SLC44A5: variants seen among roughly 807,000 people sequenced by gnomAD.
SLC44A5 encodes the protein solute carrier family 44 member 5, also known as choline transporter-like protein 5.
SLC44A5 carries 57 observed loss-of-function variants against 101.8 expected under a neutral mutation model. The ratio of observed to expected loss-of-function variants is 0.56; its 90% CI spans 0.45 to 0.70. SLC44A5 has a LOEUF of 0.70. Ranked by LOEUF, SLC44A5 falls within the 30% of genes least tolerant of loss-of-function variation. The pLI is 0.00. For missense variants in SLC44A5, 737 were observed against 853.1 expected (o/e 0.86, Z 1.70); for synonymous variants, 281 against 290.9 (o/e 0.97, Z 0.35).
intron 3 of SLC44A5, among the ~76,000 whole-genome samples, chr1:75,354,305 C>T (rs934639740): frequency 3.3e-5 from 5 of 152,218 alleles, no homozygotes; most frequent in Non-Finnish European, 7.3e-5. Flanking sequence ...ATTCCCCAAA[C>T]TTCTTGATTG....
chr1:75,698,644 C>T, the SLC44A5 span, among the ~76,000 whole-genome samples: 31 of 152,344 alleles, frequency 2.0e-4, no homozygotes, highest in Admixed American at 3.9e-4. Context: ...TGGAACAAAG[C>T]TGGATGGAGA....
At chr1:75,281,436 G>A (rs1320439177) in intron 5 of SLC44A5, among the ~76,000 whole-genome samples, 1 of 152,028 alleles carries the variant, frequency 6.6e-6, no homozygotes, top group East Asian at 1.9e-4. Flanking sequence ...GCCCAACAAT[G>A]TGACAGAAAA....
At chr1:75,316,201 C>T (rs1052947403) in intron 4 of SLC44A5, among the ~76,000 whole-genome samples, 4 of 152,196 alleles carry the variant, frequency 2.6e-5, no homozygotes, top group Admixed American at 2.0e-4. Context: ...CTCTCACATA[C>T]AACCTTTGCA....
the SLC44A5 span, among the ~76,000 whole-genome samples, chr1:75,616,175 A>C: frequency 6.6e-6 from 1 of 151,312 alleles, no homozygotes; most frequent in Non-Finnish European, 1.5e-5. Context: ...CTGCTGCTGG[A>C]GGGGGCAGCG....
chr1:75,556,120 C>T (rs1457159040), intron 1 of SLC44A5, among the ~76,000 whole-genome samples: 2 of 151,966 alleles, frequency 1.3e-5, no homozygotes, highest in Non-Finnish European at 2.9e-5. Context: ...AAGAAGTCAT[C>T]AGAGGTGATG....
chr1:75,207,010 A>T (rs941609516), intron 23 of SLC44A5, among the ~76,000 whole-genome samples: 1 of 152,202 alleles, frequency 6.6e-6, no homozygotes, highest in Non-Finnish European at 1.5e-5. Flanking sequence ...TGTCATATTT[A>T]AATTCTGTAA....
At chr1:75,414,324 T>TACACACAC (rs35421682) in intron 2 of SLC44A5, among the ~76,000 whole-genome samples, 5 of 145,990 alleles carry the variant, frequency 3.4e-5, no homozygotes, top group Non-Finnish European at 6.0e-5. Flanking sequence ...CATATCCACA[T>TACACACAC]ACACACACAC....
chr1:75,607,121 T>C (rs990462567), intron 1 of SLC44A5, among the ~76,000 whole-genome samples: 22 of 151,994 alleles, frequency 1.4e-4, no homozygotes, highest in Non-Finnish European at 2.9e-4. Flanking sequence ...ATCAAATAAA[T>C]ATTTCAAACC....
At chr1:75,339,042 G>A (rs568754800) in intron 4 of SLC44A5, among the ~76,000 whole-genome samples, 1 of 152,278 alleles carries the variant, frequency 6.6e-6, no homozygotes, top group South Asian at 2.1e-4. Flanking sequence ...CAGAACCTTG[G>A]AGAGGGCAGG....
the SLC44A5 span, among the ~76,000 whole-genome samples, chr1:75,636,604 A>G: frequency 1.4e-4 from 22 of 152,122 alleles, no homozygotes; most frequent in Non-Finnish European, 2.6e-4. Flanking sequence ...CATTTAATAA[A>G]TGACTAGTTT....
rs76814371 is a variant in SLC44A5 at position 75,373,303 on chromosome 1, C to G, written c.52+23280G>C. Among the ~76,000 whole-genome samples, 171 of 152,116 alleles carry G rather than the reference C, an allele frequency of 1.1e-3. 1 individual carries two copies. Among genetic ancestry groups the G allele is most frequent in the Admixed American group, 4.3e-3 (66 of 15,284 alleles). On this transcript the variant is annotated intron_variant, in intron 3 of 23. Coordinates refer to ENST00000370859, the MANE Select transcript of SLC44A5 (RefSeq NM_001130058.2). ...AACTGGGAAGCCTGCATGGAGTCAC[C>G]GAGCACCAAGACCAGCTCCTGGCCC...
At chr1:75,335,599 T>G (rs1657381678) in intron 4 of SLC44A5, among the ~76,000 whole-genome samples, 2 of 152,170 alleles carry the variant, frequency 1.3e-5, no homozygotes, top group African/African-American at 4.8e-5. Context: ...GGAGAGTTCT[T>G]GGATGGACAG....
intron 6 of SLC44A5, among the ~76,000 whole-genome samples, chr1:75,260,542 C>A (rs1308472277): frequency 1.3e-5 from 2 of 152,066 alleles, no homozygotes; most frequent in African/African-American, 4.8e-5. Context: ...TAGAGACCTA[C>A]AAAGAGGCTT....
intron 6 of SLC44A5, among the ~76,000 whole-genome samples, chr1:75,252,385 T>C (rs1468540153): frequency 6.6e-6 from 1 of 152,178 alleles, no homozygotes; most frequent in Non-Finnish European, 1.5e-5. Context: ...ATAAAGAAAG[T>C]CTTCCACAAG....
At chr1:75,622,641 G>C in the SLC44A5 span, among the ~76,000 whole-genome samples, 1 of 152,052 alleles carries the variant, frequency 6.6e-6, no homozygotes, top group Non-Finnish European at 1.5e-5. Flanking sequence ...TGAATGGAAG[G>C]ACACTGTCAG....
At chr1:75,542,802 T>C (rs566906667) in intron 1 of SLC44A5, among the ~76,000 whole-genome samples, 2 of 152,316 alleles carry the variant, frequency 1.3e-5, no homozygotes, top group East Asian at 3.9e-4. Context: ...TTTGTTTTTA[T>C]TGCAATAATC....
At chr1:75,553,710 A>G (rs1672063882) in intron 1 of SLC44A5, among the ~76,000 whole-genome samples, 1 of 152,198 alleles carries the variant, frequency 6.6e-6, no homozygotes, top group Non-Finnish European at 1.5e-5. Flanking sequence ...CCTCTTAGAG[A>G]AAGAAAGTAT....
chr1:75,675,386 GT>G, the SLC44A5 span, among the ~76,000 whole-genome samples: 1 of 152,016 alleles, frequency 6.6e-6, no homozygotes, highest in African/African-American at 2.4e-5. Context: ...GTGAGTGGGA[GT>G]TTTTTTCACG....
chr1:75,611,525 CCAA>C (rs1675656131), upstream of SLC44A5, among the ~76,000 whole-genome samples: 1 of 152,118 alleles, frequency 6.6e-6, no homozygotes, highest in Admixed American at 6.5e-5. Context: ...GCAACTACCT[CCAA>C]CAAACAGCAG....
Sources: gnomAD v4.1 joint callset for allele counts (sites outside exome capture counted in the v4.1 genomes callset) on GRCh38, gnomAD v4.1.1 for gene constraint, MANE v1.5 for transcripts, NCBI Gene and HGNC (gene_info 2026-07-23, HGNC 2026-07-21) for gene names.